Variants in DLG2 observed in about 807,000 individuals in gnomAD.
DLG2 encodes the protein disks large homolog 2.
DLG2 carries 45 observed loss-of-function variants against 132.5 expected under a neutral mutation model. That is an observed-to-expected ratio of 0.34 (90% confidence interval 0.27 to 0.44). The LOEUF (loss-of-function observed/expected upper bound fraction) is 0.44, where lower values mean the gene tolerates loss of function less well. Among genes scored for constraint, DLG2 ranks in the 20% least tolerant of loss-of-function variants. The pLI is 1.00. For synonymous variants in DLG2, 424 were observed against 419.6 expected, an observed-to-expected ratio of 1.01 and a Z score of -0.13; for missense variants, 1,045 against 1,196.9, an observed-to-expected ratio of 0.87 and a Z score of 1.87.
At chr11:83,950,310 A>G (rs1425920047) in intron 14 of DLG2, among the ~76,000 whole-genome samples, 1 of 152,196 alleles carries the variant, frequency 6.6e-6, no homozygotes, top group East Asian at 1.9e-4. Flanking sequence ...AATACAAGCA[A>G]ATGGCCAGGT....
At chr11:85,162,511 T>A (rs1195402370) in intron 4 of DLG2, among the ~76,000 whole-genome samples, 1 of 152,254 alleles carries the variant, frequency 6.6e-6, no homozygotes, top group African/African-American at 2.4e-5. Flanking sequence ...ACTGTAATTG[T>A]CATGAGTATT....
chr11:83,660,352 T>C (rs940020379), intron 18 of DLG2, among the ~76,000 whole-genome samples: 3 of 152,214 alleles, frequency 2.0e-5, no homozygotes, highest in Non-Finnish European at 4.4e-5. Flanking sequence ...ATGTTCCCTT[T>C]TATTTCACAG....
chr11:83,887,133 C>A (rs1173997176), intron 15 of DLG2, among the ~76,000 whole-genome samples: 1 of 152,104 alleles, frequency 6.6e-6, no homozygotes, highest in African/African-American at 2.4e-5. Context: ...ACACAAAAAA[C>A]CCTTCAAAAA....
At chr11:84,759,133 C>A (rs1177383940) in intron 6 of DLG2, among the ~76,000 whole-genome samples, 1 of 152,132 alleles carries the variant, frequency 6.6e-6, no homozygotes, top group East Asian at 1.9e-4. Context: ...CCACCTTGGC[C>A]TCCCGAAGTG....
chr11:84,140,164 TAA>T (rs1271503894), intron 9 of DLG2, among the ~76,000 whole-genome samples: 1 of 152,078 alleles, frequency 6.6e-6, no homozygotes, highest in Non-Finnish European at 1.5e-5. Flanking sequence ...AGCTGTAAGT[TAA>T]AGATGTGAAT....
intron 19 of DLG2, among the ~76,000 whole-genome samples, chr11:83,543,197 A>C (rs1296669070): frequency 6.6e-6 from 1 of 152,106 alleles, no homozygotes; most frequent in African/African-American, 2.4e-5. Context: ...AAGCTCCCGG[A>C]ATGAATCATT....
intron 4 of DLG2, among the ~76,000 whole-genome samples, chr11:85,173,726 C>A (rs556692346): frequency 2.4e-4 from 37 of 152,036 alleles, no homozygotes; most frequent in Non-Finnish European, 5.1e-4. Context: ...CTTTAAGAGA[C>A]CCATCTCATG....
At chr11:84,726,690 T>C (rs1003790819) in intron 6 of DLG2, among the ~76,000 whole-genome samples, 1 of 152,140 alleles carries the variant, frequency 6.6e-6, no homozygotes, top group African/African-American at 2.4e-5. Flanking sequence ...AATTGCCACA[T>C]GGTCTTCCAC....
At chr11:84,005,198 T>C (rs771668438) in intron 11 of DLG2, among the ~76,000 whole-genome samples, 22 of 151,968 alleles carry the variant, frequency 1.4e-4, no homozygotes, top group Non-Finnish European at 2.5e-4. Context: ...TACATCCACA[T>C]GTTTATAGCC....
At chr11:85,276,505 G>T (rs889036613) in intron 4 of DLG2, among the ~76,000 whole-genome samples, 7 of 152,120 alleles carry the variant, frequency 4.6e-5, no homozygotes, top group African/African-American at 1.7e-4. Context: ...AACACAATCT[G>T]CAGGGAAGAG....
chr11:85,087,844 C>CAAAAA (rs71465019), intron 6 of DLG2, among the ~76,000 whole-genome samples: 56 of 21,930 alleles, frequency 2.6e-3, no homozygotes, highest in Non-Finnish European at 2.8e-3. Flanking sequence ...GACTCCGTCT[C>CAAAAA]AAAAAAAAAA....
At chr11:83,732,547 T>G (rs1398480559) in intron 18 of DLG2, among the ~76,000 whole-genome samples, 4 of 152,218 alleles carry the variant, frequency 2.6e-5, no homozygotes, top group Non-Finnish European at 4.4e-5. Context: ...GGATCACAAC[T>G]TCTAATGGAT....
chr11:85,267,835 A>G (rs909434553), intron 4 of DLG2, among the ~76,000 whole-genome samples: 1 of 152,090 alleles, frequency 6.6e-6, no homozygotes, highest in Non-Finnish European at 1.5e-5. Flanking sequence ...TAATTGTTTC[A>G]GACAGTTTAC....
intron 6 of DLG2, among the ~76,000 whole-genome samples, chr11:84,948,105 T>C (rs2050453818): frequency 6.6e-6 from 1 of 152,220 alleles, no homozygotes; most frequent in Non-Finnish European, 1.5e-5. Flanking sequence ...GATAGGATTT[T>C]AAGAGGTGTC....
At chr11:84,462,171 T>C (rs184172128) in intron 7 of DLG2, among the ~76,000 whole-genome samples, 1 of 151,014 alleles carries the variant, frequency 6.6e-6, no homozygotes, top group Non-Finnish European at 1.5e-5. Context: ...AGTTTCTTAC[T>C]AAGCCTTCTT....
intron 15 of DLG2, among the ~76,000 whole-genome samples, chr11:83,881,536 T>C (rs2066265693): frequency 6.6e-6 from 1 of 152,320 alleles, no homozygotes; most frequent in Middle Eastern, 3.4e-3. Flanking sequence ...ATTTAAGTCA[T>C]TGATTATAAT....
chr11:83,671,037 T>C (rs962522021), intron 18 of DLG2, among the ~76,000 whole-genome samples: 1 of 152,180 alleles, frequency 6.6e-6, no homozygotes, highest in Non-Finnish European at 1.5e-5. Context: ...ATTTAAAAAG[T>C]AGATTCAAAT....
chr11:83,746,707 C>A (rs891291034), intron 18 of DLG2, among the ~76,000 whole-genome samples: 4 of 151,988 alleles, frequency 2.6e-5, no homozygotes, highest in African/African-American at 9.7e-5. Context: ...GCACATGTAC[C>A]CTAGAACTTA....
chr11:83,587,949 C>T (rs1241241192), intron 19 of DLG2, among the ~76,000 whole-genome samples: 1 of 152,172 alleles, frequency 6.6e-6, no homozygotes, highest in Non-Finnish European at 1.5e-5. Context: ...TAAAAAATGG[C>T]GCACCACGAG....
Sources: allele counts gnomAD v4.1 joint callset (sites outside exome capture counted in the v4.1 genomes callset), GRCh38; gene constraint gnomAD v4.1.1; transcripts MANE v1.5; gene names NCBI Gene and HGNC (gene_info 2026-07-23, HGNC 2026-07-21).